SLC25A36: variants seen among roughly 807,000 people sequenced by gnomAD.
SLC25A36 encodes solute carrier family 25 member 36.
A neutral mutation model predicts 35.3 loss-of-function variants in SLC25A36; 24 were observed. The ratio of observed to expected loss-of-function variants is 0.68; its 90% CI spans 0.49 to 0.96. The LOEUF (loss-of-function observed/expected upper bound fraction) is 0.96. SLC25A36 is among the 40% of genes least tolerant of loss of function. SLC25A36 has a pLI of 0.00. For missense variants in SLC25A36, 294 were observed against 381.1 expected, an observed-to-expected ratio of 0.77 and a Z score of 1.90; for synonymous variants, 141 against 132.2, an observed-to-expected ratio of 1.07 and a Z score of -0.46.
At chr3:140,975,094 A>ATTTTTTTTTTTT (rs1272903563) in intron 6 of SLC25A36, among the ~76,000 whole-genome samples, 1 of 24,230 alleles carries the variant, frequency 4.1e-5, no homozygotes, top group Non-Finnish European at 1.3e-4. Context: ...AACAAGATAC[A>ATTTTTTTTTTTT]TTCTTTTTTT....
At chr3:140,963,809 A>G (rs1259452621) in intron 4 of SLC25A36, 1 of 152,162 alleles carries the variant, frequency 6.6e-6, no homozygotes, top group East Asian at 1.9e-4. Context: ...TGCTTACTAT[A>G]GAAATGTTTC....
At chr3:140,958,958 TTTTGTGTG>T (rs1260565320) in intron 2 of SLC25A36, among the ~76,000 whole-genome samples, 5 of 126,138 alleles carry the variant, frequency 4.0e-5, no homozygotes, top group South Asian at 2.7e-4. Flanking sequence ...AAAAACAATG[TTTTGTGTG>T]TGTGTGTGTG....
rs1486962200 is a variant in SLC25A36 at position 140,978,057 on chromosome 3, T to C, written c.*1604T>C. The C allele has an allele frequency of 6.6e-6, 1 of 152,170 alleles. No homozygotes were observed. Among genetic ancestry groups the C allele is most frequent in the African/African-American group, 2.4e-5 (1 of 41,450 alleles). 9.4% of individuals were successfully genotyped at this position (152,170 alleles called of 1,614,324 possible). On this transcript the variant is annotated 3_prime_UTR_variant, in exon 7 of 7. Coordinates refer to ENST00000324194, the MANE Select transcript of SLC25A36 (RefSeq NM_001104647.3). Reference sequence around the variant, plus strand: ...TGTTTTAGGTATTCTGTGTACCCTGTCGTACCCCCAACATTATAGAATATT... The same window carrying C: ...TGTTTTAGGTATTCTGTGTACCCTGCCGTACCCCCAACATTATAGAATATT...
At chr3:140,968,398 T>C in intron 4 of SLC25A36, 5 of 934,458 alleles carry the variant, frequency 5.4e-6, no homozygotes, top group African/African-American at 5.3e-5. Flanking sequence ...AGAGCAACCA[T>C]AGTAAACATA....
chr3:140,946,338 G>A (rs1038812220), intron 1 of SLC25A36, among the ~76,000 whole-genome samples: 1 of 152,182 alleles, frequency 6.6e-6, no homozygotes, highest in African/African-American at 2.4e-5. Context: ...CCTAGCCCTG[G>A]TAAGAGTGAG....
At chr3:140,943,882 T>G (rs887979807) in intron 1 of SLC25A36, among the ~76,000 whole-genome samples, 19 of 152,304 alleles carry the variant, frequency 1.2e-4, no homozygotes, top group African/African-American at 4.6e-4. Context: ...CATGTAAATA[T>G]AGGTTTTCTG....
intron 1 of SLC25A36, among the ~76,000 whole-genome samples, chr3:140,943,538 T>C (rs530235434): frequency 6.6e-6 from 1 of 152,384 alleles, no homozygotes; most frequent in East Asian, 1.9e-4. Context: ...GCTATGTAGA[T>C]GCTCTTGAAA....
intron 1 of SLC25A36, chr3:140,942,459 G>A (rs1934037499): frequency 5.4e-6 from 1 of 185,302 alleles, no homozygotes; most frequent in Middle Eastern, 2.1e-3. Flanking sequence ...TGGGGTCGGC[G>A]CTTGATTACC....
chr3:140,956,736 A>C (rs2107793576), intron 2 of SLC25A36, 45 bp downstream of exon 2: 2 of 1,528,430 alleles, frequency 1.3e-6, no homozygotes, highest in Non-Finnish European at 1.8e-6. Context: ...TGTTTGCGTT[A>C]GTGAGTTCCA....
At chr3:140,966,300 G>A (rs1934759748) in intron 4 of SLC25A36, 3 of 286,286 alleles carry the variant, frequency 1.0e-5, no homozygotes, top group South Asian at 3.1e-5. Context: ...TTGGACAGAT[G>A]TTTTGTGTGT....
At chr3:140,963,786 G>A (rs1270874700) in intron 4 of SLC25A36, 3 of 152,458 alleles carry the variant, frequency 2.0e-5, no homozygotes, top group African/African-American at 7.2e-5. Flanking sequence ...TTTAGACACT[G>A]GCTATGTGTA....
chr3:140,958,429 T>G (rs1033581858), intron 2 of SLC25A36, among the ~76,000 whole-genome samples: 1 of 152,232 alleles, frequency 6.6e-6, no homozygotes, highest in African/African-American at 2.4e-5. Context: ...TTTATTTGTT[T>G]TGTTACAATT....
At chr3:140,965,011 G>T (rs945198033) in intron 4 of SLC25A36, 1 of 151,704 alleles carries the variant, frequency 6.6e-6, no homozygotes, top group East Asian at 1.9e-4. Flanking sequence ...TCAAGTTTTG[G>T]TAAACTTACA....
intron 4 of SLC25A36, among the ~76,000 whole-genome samples, chr3:140,967,224 A>G (rs1278304178): frequency 6.6e-6 from 1 of 151,936 alleles, no homozygotes; most frequent in Admixed American, 6.6e-5. Flanking sequence ...TTCAGTCATC[A>G]TGTAATAAAA....
rs1267746196 is a variant in SLC25A36 at position 140,972,311 on chromosome 3, TG to T, written c.452+1322del. Among the ~76,000 whole-genome samples, 3 of 152,192 alleles carry T rather than the reference TG, an allele frequency of 2.0e-5. No individual in the cohort carries two copies. In the South Asian group the frequency reaches 6.2e-4, roughly 32 times the overall value. Reference sequence around the variant, plus strand: ...GGCACAATTCTTAGGCTTGTGGGGTTGGGGAATTGGATAGGGGTGGGGTAAT... The same window carrying T: ...GGCACAATTCTTAGGCTTGTGGGGTTGGGAATTGGATAGGGGTGGGGTAAT... On this transcript the variant is annotated intron_variant, in intron 5 of 6. Coordinates refer to ENST00000324194, the MANE Select transcript of SLC25A36 (RefSeq NM_001104647.3).
At chr3:140,951,581 T>C (rs1934324259) in intron 1 of SLC25A36, among the ~76,000 whole-genome samples, 1 of 152,080 alleles carries the variant, frequency 6.6e-6, no homozygotes, top group Non-Finnish European at 1.5e-5. Context: ...CCTCCCAGGT[T>C]CAAACAGTCC....
At chr3:140,972,954 G>A (rs1934943853) in intron 5 of SLC25A36, 1 of 152,106 alleles carries the variant, frequency 6.6e-6, no homozygotes, top group Non-Finnish European at 1.5e-5. Context: ...AGGACCTGTT[G>A]GGGGAATCAG....
intron 4 of SLC25A36, among the ~76,000 whole-genome samples, chr3:140,969,945 T>C (rs911274543): frequency 2.2e-4 from 33 of 151,930 alleles, no homozygotes; most frequent in African/African-American, 7.5e-4. Context: ...ATTGAGTAAA[T>C]GTAACTTAAC....
At chr3:140,954,456 A>T (rs758419435) in intron 1 of SLC25A36, among the ~76,000 whole-genome samples, 1 of 152,220 alleles carries the variant, frequency 6.6e-6, no homozygotes, top group Non-Finnish European at 1.5e-5. Flanking sequence ...CTCTGTAAGA[A>T]ACTGACAAAC....
Sources: gnomAD v4.1 joint callset for allele counts (sites outside exome capture counted in the v4.1 genomes callset) on GRCh38, gnomAD v4.1.1 for gene constraint, MANE v1.5 for transcripts, NCBI Gene and HGNC (gene_info 2026-07-23, HGNC 2026-07-21) for gene names.